The following KRT86 variants were observed in gnomAD, a reference collection of about 807,000 sequenced individuals.
KRT86 encodes the protein keratin 86, also known as keratin, type II cuticular Hb6.
A neutral mutation model predicts 41.2 loss-of-function variants in KRT86; 30 were observed. The ratio of observed to expected loss-of-function variants is 0.73; its 90% CI spans 0.54 to 0.99. The LOEUF is 0.99. Among genes scored for constraint, KRT86 ranks in the 50% least tolerant of loss-of-function variants. KRT86 has a pLI of 0.00. For synonymous variants in KRT86, 238 were observed against 238.1 expected, an observed-to-expected ratio of 1.00 and a Z score of 0.00; for missense variants, 561 against 571.4, an observed-to-expected ratio of 0.98 and a Z score of 0.19.
At chr12:52,287,161 C>A (rs761893737) in intron 2 of KRT86, 4 of 1,613,542 alleles carry the variant, frequency 2.5e-6, no homozygotes, top group African/African-American at 2.7e-5. Flanking sequence ...CCAGGCCCAG[C>A]TTGGAGTTCA....
intron 2 of KRT86, chr12:52,287,977 C>T (rs755756667): frequency 2.5e-6 from 4 of 1,614,176 alleles, no homozygotes; most frequent in Non-Finnish European, 3.4e-6. Flanking sequence ...TGTCCTGTGC[C>T]ACTCACCTTG....
At position 52,283,392 on chromosome 12, in the gene KRT86, CAAAAAA is replaced by C. The variant is rs1169224117; in HGVS notation, c.-5+7465_-5+7470del. Among the ~76,000 whole-genome samples, 6 of 39,552 alleles carry C rather than the reference CAAAAAA, an allele frequency of 1.5e-4. No individual in the cohort carries two copies. In the Admixed American group the frequency reaches 1.7e-3, roughly 11 times the overall value. 25.9% of individuals were successfully genotyped at this position (39,552 alleles called of 152,430 possible). ...TGGGCAACAGGGTGAAACTGTCTCACAAAAAAAAAAAAAAAAAAAAAAAAGAATAAT... is the reference window on the plus strand; with the variant it reads ...TGGGCAACAGGGTGAAACTGTCTCACAAAAAAAAAAAAAAAAAAGAATAAT... On this transcript the variant is annotated intron_variant, in intron 2 of 10. Coordinates refer to ENST00000423955, the MANE Select transcript of KRT86 (RefSeq NM_001320198.2).
chr12:52,294,362 A>G (rs970868172), intron 2 of KRT86, among the ~76,000 whole-genome samples: 1 of 152,234 alleles, frequency 6.6e-6, no homozygotes, highest in African/African-American at 2.4e-5. Context: ...GAATATGAAA[A>G]ATTCAAATGT....
rs1010358065 is a variant in KRT86, at chr12:52,308,733, G to A, written c.*148G>A. 9.5e-6 allele frequency: 7 copies of A among 736,526 alleles called. No individual in the cohort carries two copies. Among genetic ancestry groups the A allele is most frequent in the South Asian group, 7.3e-5 (4 of 54,946 alleles). The allele number at this position is 736,526 out of a possible 1,614,324, so 45.6% of individuals were successfully genotyped here. A position where few individuals can be genotyped will look rare whatever the true frequency, so the allele number is the denominator to read the frequency against. ...GCGCCCTCCCCACCGCTCCGCTCCG[G>A]GAGCCATCCCCGGTCGCAGGAGTCC... is the stretch of plus-strand genomic sequence containing the variant. On this transcript the variant is annotated 3_prime_UTR_variant, in exon 11 of 11. Transcript: ENST00000423955.
chr12:52,295,693 T>C (rs557633597), intron 2 of KRT86, among the ~76,000 whole-genome samples: 29 of 152,360 alleles, frequency 1.9e-4, no homozygotes, highest in African/African-American at 3.6e-4. Context: ...CATCAGTGTG[T>C]ACAAATGTTT....
chr12:52,291,331 G>A (rs1166014889), intron 2 of KRT86: 6 of 1,556,824 alleles, frequency 3.9e-6, no homozygotes, highest in Middle Eastern at 2.1e-4. Context: ...TGTGGCTGCC[G>A]AAGCCCCCGG....
intron 1 of KRT86, 24 bp from the exon 2 acceptor site, chr12:52,275,797 T>G: frequency 1.0e-6 from 1 of 983,782 alleles, no homozygotes; most frequent in East Asian, 1.1e-4. Flanking sequence ...TGACTACAGC[T>G]CCCCTCTGCC....
chr12:52,284,718 G>T (rs529943700), intron 2 of KRT86, among the ~76,000 whole-genome samples: 1 of 152,214 alleles, frequency 6.6e-6, no homozygotes, highest in African/African-American at 2.4e-5. Flanking sequence ...AAGGGTAGGG[G>T]TGGGGGACTC....
intron 2 of KRT86, among the ~76,000 whole-genome samples, chr12:52,285,428 A>T (rs556241451): frequency 2.0e-5 from 3 of 152,248 alleles, no homozygotes; most frequent in East Asian, 3.9e-4. Context: ...TCATGTATTC[A>T]CCTCTTAAAG....
intron 9 of KRT86, among the ~76,000 whole-genome samples, chr12:52,307,694 A>T (rs558815352): frequency 3.0e-4 from 45 of 152,292 alleles, no homozygotes; most frequent in African/African-American, 9.9e-4. Context: ...CCATTTGTTT[A>T]TCTAACAGTT....
In KRT86 at chr12:52,287,848, C is replaced by T. The variant is rs529646026; in HGVS notation, c.-5+11902C>T. 3.1e-6 allele frequency: 5 copies of T among 1,601,990 alleles called. No homozygotes were observed. The South Asian group carries it at 3.3e-5, about 11-fold the overall frequency. On this transcript the variant is annotated intron_variant, in intron 2 of 10. Transcript: ENST00000423955. ...GCCACACATGGCAGTCCTGCCCTGC[C>T]ACCCCAACCTCAGATTGGCAGCCCT...
intron 2 of KRT86, chr12:52,287,064 G>C: frequency 1.2e-6 from 2 of 1,612,508 alleles, no homozygotes; most frequent in Non-Finnish European, 1.7e-6. Flanking sequence ...GCCAGGGATG[G>C]GGAAGGGTGG....
In KRT86 at chr12:52,308,225, C is replaced by T; in HGVS notation, c.1248-8C>T. The T allele has an allele frequency of 6.2e-7, 1 of 1,614,224 alleles. No homozygotes were observed. The highest frequency in any genetic ancestry group is 1.1e-5 in the South Asian group (1 of 91,090). ...GCGGCACTGACCTCTCGCCTTCTCTCCCTGCAGGCTGTGCGAGGGCGTCGG... is the reference window on the plus strand; with the variant it reads ...GCGGCACTGACCTCTCGCCTTCTCTTCCTGCAGGCTGTGCGAGGGCGTCGG... On this transcript the variant is annotated splice_polypyrimidine_tract_variant and splice_region_variant and intron_variant, in intron 9 of 10. Transcript: ENST00000423955.
chr12:52,302,121 G>T lies in KRT86; in HGVS notation c.205G>T (p.Gly69Cys), dbSNP rs768820064. 4.5e-6 allele frequency: 7 copies of T among 1,542,162 alleles called. No individual in the cohort carries two copies. The highest frequency in any genetic ancestry group is 6.1e-6 in the Non-Finnish European group (7 of 1,142,350). Residue 69 changes from glycine to cysteine, a missense_variant, in exon 3 of 11, where the codon GGC (glycine) becomes TGC (cysteine). Physicochemically the swap from Gly to Cys is radical, Grantham distance 159 (BLOSUM62 -3). Transcript: ENST00000423955. ...ACGCAGCTTCGGCTACCGCTCCGGG[G>T]GCGTGTGCGGGCCCAGTCCCCCATG... ...CGRSFGYRSG[G>C]VCGPSPPCIT...
At position 52,305,672 on chromosome 12, in the gene KRT86, A is replaced by T; in HGVS notation, c.910A>T (p.Met304Leu). Reference sequence around the variant, plus strand: ...TCTCTACTTCCCCCAGTGTGAGGAGATGAAGGCCACGGTGATCAGGCACGG... The same window carrying T: ...TCTCTACTTCCCCCAGTGTGAGGAGTTGAAGGCCACGGTGATCAGGCACGG... ...ESWYRSKCEE[M>L]KATVIRHGET... Residue 304 changes from methionine to leucine, a missense_variant, in exon 8 of 11, where the codon ATG becomes TTG. Coordinates refer to ENST00000423955, the MANE Select transcript of KRT86 (RefSeq NM_001320198.2). 1 of 1,614,028 alleles carries T rather than the reference A, an allele frequency of 6.2e-7. No homozygotes were observed. Among genetic ancestry groups the T allele is most frequent in the East Asian group, 2.2e-5 (1 of 44,864 alleles).
Position 52,288,310 on chromosome 12 carries a change from A to T in KRT86, c.-5+12364A>T, listed in dbSNP as rs143949946. On this transcript the variant is annotated intron_variant, in intron 2 of 10. Coordinates refer to ENST00000423955, the MANE Select transcript of KRT86 (RefSeq NM_001320198.2). ...ATCCTGTCCAACACTCCCACCCCCA[A>T]CTCTCCTCTCTGCTGGCTGCCAGGT... The T allele has an allele frequency of 4.8e-4, 774 of 1,608,774 alleles. 1 individual carries two copies. The African/African-American group carries it at 7.5e-3, about 16-fold the overall frequency.
Position 52,306,088 on chromosome 12 carries a change from A to T in KRT86, c.1055A>T (p.Gln352Leu). The change falls in exon 9 of 11, where the codon CAG becomes CTG. Residue 352 changes from glutamine (Q) to leucine (L), a missense_variant. Transcript: ENST00000423955. ...QNSKLEAAVA[Q>L]SEQQGEAALS... The stretch of plus-strand genomic sequence containing the variant: ...TCCAAGCTGGAGGCTGCGGTGGCTC[A>T]GTCTGAGCAGCAGGGTGAGGCGGCC... The T allele has an allele frequency of 6.2e-7, 1 of 1,614,040 alleles. No individual in the cohort carries two copies. Among genetic ancestry groups the T allele is most frequent in the South Asian group, 1.1e-5 (1 of 91,080 alleles).
chr12:52,295,635 G>A (rs543897189), intron 2 of KRT86, among the ~76,000 whole-genome samples: 1 of 152,278 alleles, frequency 6.6e-6, no homozygotes, highest in South Asian at 2.1e-4. Flanking sequence ...TAAGAGAAAA[G>A]CAGAGACACA....
At chr12:52,301,633 C>T (rs371814441) in intron 2 of KRT86, among the ~76,000 whole-genome samples, 2 of 152,026 alleles carry the variant, frequency 1.3e-5, no homozygotes, top group Non-Finnish European at 2.9e-5. Context: ...GTGTGCGGGA[C>T]GTGAGTTGGT....
Sources: gnomAD v4.1 joint callset for allele counts (sites outside exome capture counted in the v4.1 genomes callset) on GRCh38, gnomAD v4.1.1 for gene constraint, MANE v1.5 for transcripts, NCBI Gene and HGNC (gene_info 2026-07-23, HGNC 2026-07-21) for gene names.